BCOR: variants seen among roughly 807,000 people sequenced by gnomAD.
The protein encoded by BCOR is BCL6 corepressor.
Under a neutral mutation model 86.7 loss-of-function variants are expected in BCOR, and 10 were observed. The ratio of observed to expected loss-of-function variants is 0.12; its 90% CI spans 0.07 to 0.20. The LOEUF (loss-of-function observed/expected upper bound fraction) is 0.20. Among genes scored for constraint, BCOR ranks in the 10% least tolerant of loss-of-function variants. BCOR has a pLI of 1.00. For synonymous variants in BCOR, 611 were observed against 609.0 expected (o/e 1.00, Z -0.05); for missense variants, 1,259 against 1,452.1 (o/e 0.87, Z 2.16).
intron 1 of BCOR, among the ~76,000 whole-genome samples, chrX:40,090,598 G>A (rs1241549042): frequency 9.0e-6 from 1 of 111,507 alleles, no homozygotes; most frequent in East Asian, 2.8e-4. Flanking sequence ...CCTGGAGAGG[G>A]CGGCTTCCCG....
chrX:40,132,700 G>T (rs1254656466), intron 1 of BCOR, among the ~76,000 whole-genome samples: 1 of 112,486 alleles, frequency 8.9e-6, no homozygotes, highest in Non-Finnish European at 1.9e-5. Context: ...CTTGCCCATG[G>T]TCACACACCT....
chrX:40,160,356 G>C (rs1938387700), intron 1 of BCOR, among the ~76,000 whole-genome samples: 1 of 110,508 alleles, frequency 9.0e-6, no homozygotes, highest in African/African-American at 3.3e-5. Context: ...TCCTGACCTC[G>C]TGATCCACCC....
chrX:40,089,155 C>T (rs1330473491), intron 1 of BCOR, among the ~76,000 whole-genome samples: 2 of 111,589 alleles, frequency 1.8e-5, no homozygotes, highest in African/African-American at 3.3e-5. Flanking sequence ...CCTATAGGAA[C>T]ATGACAAGTC....
In BCOR at chrX:40,072,439, T is replaced by A. The variant is rs2068947379; in HGVS notation, c.2907A>T (p.Ser969=). 8.3e-7 allele frequency: 1 copy of A among 1,211,379 alleles called. No homozygotes were observed. Among genetic ancestry groups the A allele is most frequent in the South Asian group, 1.8e-5 (1 of 56,817 alleles). ...PSKLAKRIAN[S]AGYVGDRFKC... Reference sequence around the variant, plus strand: ...TGAATCGGTCACCCACGTAACCCGCTGAGTTGGCGATTCTCTTTGCCAGCT... The same window carrying A: ...TGAATCGGTCACCCACGTAACCCGCAGAGTTGGCGATTCTCTTTGCCAGCT... The change falls in exon 4 of 15, where the codon TCA becomes TCT. Residue 969 remains serine, a synonymous_variant. Coordinates refer to ENST00000378444, the MANE Select transcript of BCOR (RefSeq NM_001123385.2).
intron 1 of BCOR, among the ~76,000 whole-genome samples, chrX:40,175,108 C>T (rs954488250): frequency 9.4e-6 from 1 of 106,413 alleles, no homozygotes; most frequent in African/African-American, 3.5e-5. Context: ...TACTCGCGGG[C>T]AGCCTGTTCT....
chrX:40,133,653 G>T (rs1161072031), intron 1 of BCOR, among the ~76,000 whole-genome samples: 1 of 107,737 alleles, frequency 9.3e-6, no homozygotes, highest in Non-Finnish European at 1.9e-5. Context: ...GTAGAGACGG[G>T]GTTTCACTGT....
At chrX:40,131,240 G>C (rs1175607436) in intron 1 of BCOR, among the ~76,000 whole-genome samples, 1 of 112,146 alleles carries the variant, frequency 8.9e-6, no homozygotes, top group Non-Finnish European at 1.9e-5. Context: ...GGCTGATATG[G>C]GGGTGACAGT....
In BCOR at chrX:40,062,366, G is replaced by A. The variant is rs1364564785; in HGVS notation, c.4201C>T (p.Pro1401Ser). The A allele has an allele frequency of 8.3e-7, 1 of 1,205,498 alleles. No homozygotes were observed. The highest frequency in any genetic ancestry group is 1.8e-5 in the South Asian group (1 of 55,768). ...AGATCATAGTCCGAACTGGGCTCCG[G>A]CCGCTTTCTGAATCTCCGGACAGTC... Reference protein sequence around the residue: ...KVTVRRFRKRPEPSSDYDLSP... With the variant: ...KVTVRRFRKRSEPSSDYDLSP... The change falls in exon 10 of 15, where the codon CCG (proline) becomes TCG (serine). Residue 1401 changes from proline to serine, a missense_variant. This residue lies in a region of BCOR where 305 missense variants were observed against 286.1 expected (regional missense o/e 1.07). Transcript: ENST00000378444.
At chrX:40,052,421 T>C (rs746155914) in intron 14 of BCOR, 21 bp from the exon 15 acceptor site, 5 of 1,202,580 alleles carry the variant, frequency 4.2e-6, no homozygotes, top group Admixed American at 2.2e-5. Flanking sequence ...GAAAGGAAAA[T>C]GCTTTGAGTT....
At chrX:40,071,189 A>G in intron 5 of BCOR, 30 bp from the exon 6 acceptor site, 1 of 1,152,842 alleles carries the variant, frequency 8.7e-7, no homozygotes, top group East Asian at 3.0e-5. Context: ...GGAAAAAAAA[A>G]AAAACAACAC....
In BCOR at chrX:40,073,843, G is replaced by T. The variant is rs763308991; in HGVS notation, c.1503C>A (p.Ile501=). The change falls in exon 4 of 15, where the codon ATC becomes ATA. Residue 501 remains isoleucine (I), a synonymous_variant. Transcript: ENST00000378444. ...GNGCAIYRSE[I]ISTAPSSWVV... ...CCCAGGATGAGGGAGCAGTGCTGAT[G>T]ATTTCAGATCTATAGATAGCACAAC... 4.9e-6 allele frequency: 6 copies of T among 1,212,339 alleles called. No homozygotes were observed. Among genetic ancestry groups the T allele is most frequent in the Non-Finnish European group, 6.7e-6 (6 of 895,631 alleles).
At chrX:40,058,806 G>A (rs1934726164) in intron 10 of BCOR, among the ~76,000 whole-genome samples, 1 of 111,653 alleles carries the variant, frequency 9.0e-6, no homozygotes, top group Non-Finnish European at 1.9e-5. Context: ...TGAGCTCCCA[G>A]GCCACCTGCC....
intron 1 of BCOR, among the ~76,000 whole-genome samples, chrX:40,164,239 C>T (rs1033199520): frequency 8.9e-6 from 1 of 112,434 alleles, no homozygotes; most frequent in Non-Finnish European, 1.9e-5. Context: ...AAGACCCCTC[C>T]GGATGCTTCC....
At chrX:40,168,031 T>G (rs1335555296) in intron 1 of BCOR, among the ~76,000 whole-genome samples, 1 of 112,348 alleles carries the variant, frequency 8.9e-6, no homozygotes, top group Non-Finnish European at 1.9e-5. Flanking sequence ...CCACCAGAGC[T>G]CTGGCAGCCA....
At position 40,063,708 on chromosome X, in the gene BCOR, C is replaced by G. The variant is rs759820849; in HGVS notation, c.3747G>C (p.Gly1249=). The part of the protein sequence containing the change: ...QATQPEAIPQ[G]TNITEEKPGR... Reference sequence around the variant, plus strand: ...CAGGTTTCTCTTCAGTGATGTTAGTCCCCTGAGGAATGGCCTCAGGCTGAG... The same window carrying G: ...CAGGTTTCTCTTCAGTGATGTTAGTGCCCTGAGGAATGGCCTCAGGCTGAG... The change falls in exon 8 of 15, where the codon GGG becomes GGC. Residue 1249 remains glycine (G), a synonymous_variant. Transcript: ENST00000378444. The G allele has an allele frequency of 4.1e-6, 5 of 1,209,982 alleles. No homozygotes were observed. Among genetic ancestry groups the G allele is most frequent in the Non-Finnish European group, 5.6e-6 (5 of 894,953 alleles).
rs774881049 is a variant in BCOR, at chrX:40,076,698, T to C, written c.87-166A>G. Among the ~76,000 whole-genome samples, 6 of 112,259 alleles carry C rather than the reference T, an allele frequency of 5.3e-5. No individual in the cohort carries two copies. The East Asian group carries it at 1.4e-3, about 26-fold the overall frequency. On this transcript the variant is annotated intron_variant, in intron 2 of 14. Transcript: ENST00000378444. ...GCCCATATTGAAAGTCGCCCCCAAA[T>C]GGTGATTCAACTTGACCAGGAAAAA...
At position 40,080,961 on chromosome X, in the gene BCOR, ACG is replaced by A. The variant is rs1246994868; in HGVS notation, c.-40-2994_-40-2993del. Among the ~76,000 whole-genome samples, 282 of 66,151 alleles carry A rather than the reference ACG, an allele frequency of 4.3e-3. 2 individuals carry two copies. Among genetic ancestry groups the A allele is most frequent in the African/African-American group, 0.014 (251 of 17,668 alleles). The allele number at this position is 66,151 out of a possible 115,157, so 57.4% of individuals were successfully genotyped here. On this transcript the variant is annotated intron_variant, in intron 1 of 14. Transcript: ENST00000378444. ...GCTGTGGACTTACGCACACACGTGCACGCACGCACACGCGCACACACACACGC... is the reference window on the plus strand; with the variant it reads ...GCTGTGGACTTACGCACACACGTGCACACGCACACGCGCACACACACACGC...
intron 1 of BCOR, among the ~76,000 whole-genome samples, chrX:40,155,939 C>CA (rs1183380188): frequency 1.8e-5 from 2 of 112,514 alleles, no homozygotes; most frequent in Non-Finnish European, 3.8e-5. Context: ...GGCCTGCACC[C>CA]AGGCGCTCAT....
intron 1 of BCOR, among the ~76,000 whole-genome samples, chrX:40,146,140 G>C (rs1938047726): frequency 8.9e-6 from 1 of 111,894 alleles, no homozygotes; most frequent in African/African-American, 3.2e-5. Flanking sequence ...ATTACTGCCG[G>C]CGCGCGAGAG....
Sources: gnomAD v4.1 joint callset for allele counts (sites outside exome capture counted in the v4.1 genomes callset) on GRCh38, gnomAD v4.1.1 for gene constraint, gnomAD v4.1.1 regional missense constraint, MANE v1.5 for transcripts, NCBI Gene and HGNC (gene_info 2026-07-23, HGNC 2026-07-21) for gene names.